Variants in FMN2 observed in about 807,000 individuals in gnomAD.
FMN2 encodes the protein formin 2.
In FMN2, 51 loss-of-function variants were observed where a neutral mutation model predicts 142.3. The observed-to-expected ratio is 0.36, with a 90% CI of 0.29 to 0.45. The LOEUF (loss-of-function observed/expected upper bound fraction) is 0.45. FMN2 is among the 20% of genes least tolerant of loss of function. The pLI is 1.00. For missense variants in FMN2, 1,936 were observed against 2,122.8 expected, an observed-to-expected ratio of 0.91 and a Z score of 1.73; for synonymous variants, 882 against 869.8, an observed-to-expected ratio of 1.01 and a Z score of -0.25.
chr1:240,211,294 C>G (rs1438631543), intron 6 of FMN2, 59 bp downstream of exon 6: 1 of 1,530,010 alleles, frequency 6.5e-7, no homozygotes, highest in African/African-American at 1.4e-5. Flanking sequence ...TGTGAACTGT[C>G]ATTAGAGAAA....
chr1:240,456,041 G>A (rs894921973), intron 16 of FMN2, among the ~76,000 whole-genome samples: 1 of 151,910 alleles, frequency 6.6e-6, no homozygotes, highest in African/African-American at 2.4e-5. Flanking sequence ...AGAGCGACAT[G>A]TTCATATCCA....
In FMN2 at chr1:240,093,015, C is replaced by T; in HGVS notation, c.906C>T (p.Ser302=). Reference sequence around the variant, plus strand: ...CGTCCCCCGGCGGCCTCCCGGTCTCCGAGGCGCCCAGTCTCCCGGCAGCGC... The same window carrying T: ...CGTCCCCCGGCGGCCTCCCGGTCTCTGAGGCGCCCAGTCTCCCGGCAGCGC... ...QPPSPGGLPV[S]EAPSLPAAQP... The change falls in exon 1 of 18, where the codon TCC becomes TCT. Residue 302 remains serine (S), a synonymous_variant. Transcript: ENST00000319653. 4.3e-6 allele frequency: 6 copies of T among 1,396,676 alleles called. No homozygotes were observed. Among genetic ancestry groups the T allele is most frequent in the Non-Finnish European group, 5.5e-6 (6 of 1,083,752 alleles). The allele number at this position is 1,396,676 out of a possible 1,614,324, so 86.5% of individuals were successfully genotyped here. A position where few individuals can be genotyped will look rare whatever the true frequency, so the allele number is the denominator to read the frequency against.
intron 8 of FMN2, among the ~76,000 whole-genome samples, chr1:240,296,151 A>C (rs148946495): frequency 6.9e-6 from 1 of 145,282 alleles, no homozygotes; most frequent in African/African-American, 2.5e-5. Context: ...GCTACAGTTT[A>C]TTTCACTAGG....
chr1:240,341,978 A>G (rs1178237165), intron 13 of FMN2, among the ~76,000 whole-genome samples: 1 of 152,124 alleles, frequency 6.6e-6, no homozygotes, highest in Non-Finnish European at 1.5e-5. Context: ...GAGACCAGTT[A>G]CCACTCTGGG....
chr1:240,332,339 A>T (rs2103016881), intron 11 of FMN2, among the ~76,000 whole-genome samples: 1 of 150,930 alleles, frequency 6.6e-6, no homozygotes, highest in East Asian at 2.0e-4. Flanking sequence ...TTTCAAGGCC[A>T]ACCTGGGCAA....
chr1:240,180,566 C>CCT (rs1553337462), intron 3 of FMN2, among the ~76,000 whole-genome samples: 7 of 126,182 alleles, frequency 5.5e-5, no homozygotes, highest in African/African-American at 2.1e-4. Context: ...CACATGACCC[C>CCT]TTTTTTTTTT....
chr1:240,347,489 G>A (rs1671947427), intron 13 of FMN2, among the ~76,000 whole-genome samples: 1 of 152,140 alleles, frequency 6.6e-6, no homozygotes, highest in African/African-American at 2.4e-5. Context: ...GAATCTCCAT[G>A]TGAGCTTTCT....
chr1:240,461,829 G>T (rs915441600), intron 16 of FMN2, among the ~76,000 whole-genome samples: 1 of 152,086 alleles, frequency 6.6e-6, no homozygotes, highest in Non-Finnish European at 1.5e-5. Flanking sequence ...GTCACAAGGT[G>T]GTCAAATGAG....
chr1:240,128,097 G>A (rs1320618984), intron 2 of FMN2, among the ~76,000 whole-genome samples: 2 of 152,180 alleles, frequency 1.3e-5, no homozygotes, highest in African/African-American at 4.8e-5. Flanking sequence ...AGGATATAAG[G>A]ATAGAACTGC....
chr1:240,300,646 C>A (rs1032132265), intron 8 of FMN2, among the ~76,000 whole-genome samples: 1 of 152,162 alleles, frequency 6.6e-6, no homozygotes, highest in Non-Finnish European at 1.5e-5. Flanking sequence ...ATATAACTTA[C>A]CTTCTTTTAC....
intron 8 of FMN2, among the ~76,000 whole-genome samples, chr1:240,314,444 A>G (rs1670699873): frequency 6.6e-6 from 1 of 152,210 alleles, no homozygotes; most frequent in Admixed American, 6.5e-5. Flanking sequence ...GCCTGTCTTC[A>G]ATATGTACTG....
chr1:240,287,332 C>A (rs1449527611), intron 7 of FMN2, among the ~76,000 whole-genome samples: 13 of 152,168 alleles, frequency 8.5e-5, no homozygotes, highest in Non-Finnish European at 1.6e-4. Context: ...TGCTTCTCAG[C>A]AGCTTGCAAA....
At chr1:240,255,892 A>G (rs1668436668) in intron 6 of FMN2, among the ~76,000 whole-genome samples, 1 of 152,168 alleles carries the variant, frequency 6.6e-6, no homozygotes, top group African/African-American at 2.4e-5. Flanking sequence ...ATAGGTTATA[A>G]TGCGACGAAA....
rs560841718 is a variant in FMN2 at position 240,283,217 on chromosome 1, C to G, written c.4154-11605C>G. ...TAATTGAAATAAATAAAAATTAAGGCAGCCCTGAAAATAAAAATGAGCCTT... is the reference window on the plus strand; with the variant it reads ...TAATTGAAATAAATAAAAATTAAGGGAGCCCTGAAAATAAAAATGAGCCTT... On this transcript the variant is annotated intron_variant, in intron 7 of 17. Coordinates refer to ENST00000319653, the MANE Select transcript of FMN2 (RefSeq NM_020066.5). Among the ~76,000 whole-genome samples, 923 of 152,224 alleles carry G rather than the reference C, an allele frequency of 6.1e-3. 9 individuals are homozygous for G. The highest frequency in any genetic ancestry group is 0.021 in the African/African-American group (878 of 41,542).
chr1:240,361,671 G>A (rs888065890), intron 14 of FMN2, among the ~76,000 whole-genome samples: 1 of 152,162 alleles, frequency 6.6e-6, no homozygotes, highest in African/African-American at 2.4e-5. Flanking sequence ...TGAATGGTTG[G>A]CATGGTTACC....
intron 15 of FMN2, among the ~76,000 whole-genome samples, chr1:240,429,654 T>G (rs1675071598): frequency 6.6e-6 from 1 of 152,224 alleles, no homozygotes; most frequent in South Asian, 2.1e-4. Flanking sequence ...TGGACTTTTA[T>G]AAGTGGAATC....
intron 2 of FMN2, among the ~76,000 whole-genome samples, chr1:240,176,205 T>G (rs180823758): frequency 1.1e-3 from 164 of 152,358 alleles, no homozygotes; most frequent in Non-Finnish European, 2.0e-3. Context: ...GTTTCAGTCT[T>G]TGTTCCATTT....
intron 2 of FMN2, among the ~76,000 whole-genome samples, chr1:240,140,511 CTG>C (rs1183519105): frequency 6.6e-6 from 1 of 152,196 alleles, no homozygotes; most frequent in African/African-American, 2.4e-5. Flanking sequence ...GAACACAAAA[CTG>C]TTTCCTCCTT....
At chr1:240,472,501 C>A in intron 17 of FMN2, 48 bp downstream of exon 17, 1 of 1,275,000 alleles carries the variant, frequency 7.8e-7, no homozygotes, top group Non-Finnish European at 1.1e-6. Flanking sequence ...GCTTTTAAAT[C>A]CTATTTTCAT....
Sources: gnomAD v4.1 joint callset for allele counts (sites outside exome capture counted in the v4.1 genomes callset) on GRCh38, gnomAD v4.1.1 for gene constraint, MANE v1.5 for transcripts, NCBI Gene and HGNC (gene_info 2026-07-23, HGNC 2026-07-21) for gene names.